RORA: variants seen among roughly 807,000 people sequenced by gnomAD.
RORA encodes the protein nuclear receptor ROR-alpha.
A neutral mutation model predicts 69.5 loss-of-function variants in RORA; 7 were observed. That is an observed-to-expected ratio of 0.10 (90% confidence interval 0.06 to 0.19). RORA has a LOEUF of 0.19. RORA is among the 10% of genes least tolerant of loss of function. RORA has a pLI of 1.00. For missense variants in RORA, 457 were observed against 663.0 expected, an observed-to-expected ratio of 0.69 and a Z score of 3.41; for synonymous variants, 261 against 240.8, an observed-to-expected ratio of 1.08 and a Z score of -0.78.
At chr15:61,045,863 C>T (rs1896993432) in intron 1 of RORA, among the ~76,000 whole-genome samples, 1 of 152,160 alleles carries the variant, frequency 6.6e-6, no homozygotes, top group Non-Finnish European at 1.5e-5. Context: ...CATATTTTTC[C>T]CCCTTAAATC....
chr15:60,914,838 C>T (rs1202298244), intron 1 of RORA, among the ~76,000 whole-genome samples: 1 of 152,118 alleles, frequency 6.6e-6, no homozygotes, highest in East Asian at 1.9e-4. Flanking sequence ...TCTGAAAGAC[C>T]CCAGAAATAT....
intron 1 of RORA, among the ~76,000 whole-genome samples, chr15:60,998,707 A>G (rs572658900): frequency 8.3e-6 from 1 of 120,312 alleles, no homozygotes; most frequent in Non-Finnish European, 2.0e-5. Flanking sequence ...CCCACCATGT[A>G]TATTTCTGAC....
intron 1 of RORA, among the ~76,000 whole-genome samples, chr15:60,923,953 C>T (rs1340685871): frequency 6.6e-6 from 1 of 152,184 alleles, no homozygotes; most frequent in African/African-American, 2.4e-5. Context: ...GTGGGCAGAG[C>T]TACGATGACT....
chr15:60,775,432 A>G (rs138699356), intron 1 of RORA, among the ~76,000 whole-genome samples: 1 of 152,348 alleles, frequency 6.6e-6, no homozygotes, highest in Non-Finnish European at 1.5e-5. Flanking sequence ...TTTTCTTCCT[A>G]TGGAGACACT....
chr15:60,882,017 C>T (rs566253171), intron 1 of RORA, among the ~76,000 whole-genome samples: 648 of 152,298 alleles, frequency 4.3e-3, no homozygotes, highest in Non-Finnish European at 7.9e-3. Context: ...GCATTGTCTT[C>T]CCGCGCACGT....
rs575769493 is a variant in RORA, at chr15:60,918,455, G to A, written c.167-239769C>T. On this transcript the variant is annotated intron_variant, in intron 1 of 10. Transcript: ENST00000335670. The stretch of plus-strand genomic sequence containing the variant: ...ACGTATTTATTTACACCACTCACAC[G>A]GCAGGATAATTTGCAGTTATATAAT... 1.6e-4 allele frequency among the ~76,000 whole-genome samples: 25 copies of A among 152,210 alleles called. No homozygotes were observed. In the South Asian group the frequency reaches 2.1e-3, roughly 13 times the overall value.
intron 1 of RORA, among the ~76,000 whole-genome samples, chr15:61,196,859 T>C (rs978330396): frequency 1.3e-5 from 2 of 152,214 alleles, no homozygotes; most frequent in African/African-American, 2.4e-5. Context: ...TTTTTCCTGA[T>C]CTCTTTGAGC....
intron 1 of RORA, among the ~76,000 whole-genome samples, chr15:60,739,555 A>G (rs2071546295): frequency 6.6e-6 from 1 of 151,930 alleles, no homozygotes; most frequent in Non-Finnish European, 1.5e-5. Context: ...TGGGTAACAC[A>G]GCAAGACCTT....
intron 1 of RORA, among the ~76,000 whole-genome samples, chr15:61,150,964 G>A (rs1371466742): frequency 6.6e-6 from 1 of 152,154 alleles, no homozygotes; most frequent in African/African-American, 2.4e-5. Context: ...AGAAGGCAAA[G>A]ACTTACCTTA....
chr15:60,969,959 G>A (rs112051651), intron 1 of RORA, among the ~76,000 whole-genome samples: 11 of 152,298 alleles, frequency 7.2e-5, no homozygotes, highest in Admixed American at 3.3e-4. Context: ...TAGTGTTTTC[G>A]TAAGAGATAC....
intron 1 of RORA, among the ~76,000 whole-genome samples, chr15:60,898,099 C>A (rs2414683): frequency 0.86 from 131,028 of 151,832 alleles, 57,145 homozygotes; most frequent in Non-Finnish European, 0.9. Flanking sequence ...AGGTGTACTG[C>A]CTCATGCAAT....
intron 1 of RORA, among the ~76,000 whole-genome samples, chr15:61,211,687 G>A (rs1445305652): frequency 6.6e-6 from 1 of 152,198 alleles, no homozygotes; most frequent in Admixed American, 6.5e-5. Flanking sequence ...GAGGGCAGAG[G>A]GATGCCTTTC....
At chr15:60,883,988 C>G (rs1029521755) in intron 1 of RORA, among the ~76,000 whole-genome samples, 11 of 152,228 alleles carry the variant, frequency 7.2e-5, no homozygotes, top group African/African-American at 1.7e-4. Context: ...TTTTCTCCCA[C>G]TGGTAACACC....
At chr15:60,581,074 CA>C (rs2068178819) in intron 2 of RORA, among the ~76,000 whole-genome samples, 1 of 152,198 alleles carries the variant, frequency 6.6e-6, no homozygotes, top group South Asian at 2.1e-4. Context: ...CAACCTTCTT[CA>C]ACAAGAGAAG....
At chr15:61,127,934 A>C (rs776767752) in intron 1 of RORA, among the ~76,000 whole-genome samples, 3 of 152,152 alleles carry the variant, frequency 2.0e-5, no homozygotes, top group Non-Finnish European at 4.4e-5. Flanking sequence ...TCTGGCATAG[A>C]CTATGAGGCC....
chr15:60,784,464 T>G (rs1404786432), intron 1 of RORA, among the ~76,000 whole-genome samples: 1 of 152,172 alleles, frequency 6.6e-6, no homozygotes, highest in Non-Finnish European at 1.5e-5. Flanking sequence ...GCACAACCAT[T>G]ATAGAGCTTT....
At chr15:61,105,356 CTAAG>C (rs2078938139) in intron 1 of RORA, among the ~76,000 whole-genome samples, 1 of 152,174 alleles carries the variant, frequency 6.6e-6, no homozygotes, top group Non-Finnish European at 1.5e-5. Context: ...TATATACTCA[CTAAG>C]TGTGTTTAAT....
intron 1 of RORA, among the ~76,000 whole-genome samples, chr15:61,143,791 T>C (rs1052386401): frequency 1.3e-5 from 2 of 151,984 alleles, no homozygotes; most frequent in South Asian, 2.1e-4. Flanking sequence ...AATATTTAAA[T>C]GTAAAAAATA....
chr15:60,776,008 G>A (rs1401451776), intron 1 of RORA, among the ~76,000 whole-genome samples: 5 of 152,186 alleles, frequency 3.3e-5, no homozygotes, highest in Admixed American at 2.6e-4. Flanking sequence ...AGCAATAACT[G>A]TGTGTGAACT....
Sources: allele counts gnomAD v4.1 joint callset (sites outside exome capture counted in the v4.1 genomes callset), GRCh38; gene constraint gnomAD v4.1.1; transcripts MANE v1.5; gene names NCBI Gene and HGNC (gene_info 2026-07-23, HGNC 2026-07-21).